Variants in SOS2 observed in about 807,000 individuals in gnomAD.
The protein encoded by SOS2 is SOS Ras/Rho guanine nucleotide exchange factor 2.
A neutral mutation model predicts 148.2 loss-of-function variants in SOS2; 65 were observed. That is an observed-to-expected ratio of 0.44 (90% CI 0.36 to 0.54). SOS2 has a LOEUF of 0.54. Among genes scored for constraint, SOS2 ranks in the 20% least tolerant of loss-of-function variants. SOS2 has a pLI of 0.00. For missense variants in SOS2, 1,341 were observed against 1,590.2 expected (o/e 0.84, Z 2.67); for synonymous variants, 539 against 537.1 (o/e 1.00, Z -0.05).
At chr14:50,171,411 C>T (rs1384887738) in intron 8 of SOS2, among the ~76,000 whole-genome samples, 4 of 151,806 alleles carry the variant, frequency 2.6e-5, no homozygotes, top group Non-Finnish European at 2.9e-5. Context: ...GTCAGCCAGG[C>T]GCGGTGGCTC....
At chr14:50,169,832 A>T (rs1885302330) in intron 8 of SOS2, among the ~76,000 whole-genome samples, 1 of 152,138 alleles carries the variant, frequency 6.6e-6, no homozygotes, top group South Asian at 2.1e-4. Flanking sequence ...TATTCACTTT[A>T]TAGATAATAC....
chr14:50,160,379 C>CTTTTTTTTTTTTTTTTTTTTT (rs200021758), intron 9 of SOS2, among the ~76,000 whole-genome samples: 4 of 78,852 alleles, frequency 5.1e-5, no homozygotes, highest in Non-Finnish European at 7.3e-5. Context: ...CAATGCTAAT[C>CTTTTTTTTTTTTTTTTTTTTT]TTTTTTTTTT....
chr14:50,215,543 G>A, intron 1 of SOS2: 1 of 1,116,466 alleles, frequency 9.0e-7, no homozygotes, highest in Non-Finnish European at 1.1e-6. Context: ...GTCTTTAACA[G>A]TAGATTAACA....
In SOS2 at chr14:50,159,613, A is replaced by G. The variant is rs1259461274; in HGVS notation, c.1670T>C (p.Leu557Ser). The G allele has an allele frequency of 2.5e-6, 4 of 1,613,796 alleles. No homozygotes were observed. The South Asian group carries it at 3.3e-5, about 13-fold the overall frequency. The change falls in exon 10 of 23, where the codon TTG becomes TCG. Residue 557 changes from leucine to serine, a missense_variant. By Grantham distance (145) the Leu-to-Ser change is moderately radical. Around this residue, in one of 4 missense-constraint regions of SOS2, gnomAD observed 574 missense variants for 711.1 expected, o/e 0.81. Transcript: ENST00000216373. The stretch of plus-strand genomic sequence containing the variant: ...CAGTGGTTGCTCATTTTCTTCTTTC[A>G]ATAATACTGAATCTAACATTCGATC... ...TLDRMLDSVL[L>S]KEENEQPLRL...
At chr14:50,230,747 C>CA (rs1363982350) in intron 1 of SOS2, 1 of 184,512 alleles carries the variant, frequency 5.4e-6, no homozygotes, top group African/African-American at 2.4e-5. Flanking sequence ...ATCCATATTA[C>CA]AAAAAACCAT....
intron 8 of SOS2, among the ~76,000 whole-genome samples, chr14:50,168,324 T>C (rs1885232756): frequency 6.6e-6 from 1 of 152,186 alleles, no homozygotes; most frequent in African/African-American, 2.4e-5. Context: ...TGGGCTCAAG[T>C]GATCCTCTCA....
At chr14:50,183,485 G>C (rs916332445) in intron 5 of SOS2, among the ~76,000 whole-genome samples, 2 of 151,520 alleles carry the variant, frequency 1.3e-5, no homozygotes, top group African/African-American at 4.8e-5. Context: ...TGAACAGGAA[G>C]AGAATTTTAA....
At chr14:50,160,884 A>G (rs1186191068) in intron 9 of SOS2, among the ~76,000 whole-genome samples, 1 of 152,012 alleles carries the variant, frequency 6.6e-6, no homozygotes, top group Non-Finnish European at 1.5e-5. Flanking sequence ...CCACCCAGCT[A>G]CTCGAGTCCC....
At position 50,130,571 on chromosome 14, in the gene SOS2, T is replaced by G. The variant is rs748295112; in HGVS notation, c.3267A>C (p.Pro1089=). 1 of 1,613,716 alleles carries G rather than the reference T, an allele frequency of 6.2e-7. No homozygotes were observed. The highest frequency in any genetic ancestry group is 1.1e-5 in the South Asian group (1 of 91,072). Residue 1089 remains proline (P), a synonymous_variant, in exon 20 of 23, where the codon CCA becomes CCC. Transcript: ENST00000216373. ...TVSAPTSPNT[P]STPPVSASSD... ...AAGAAGCAGATACTGGTGGAGTAGA[T>G]GGTGTATTTGGAGAGGTTGGTGCTG...
chr14:50,229,423 G>A (rs139816340), intron 1 of SOS2, among the ~76,000 whole-genome samples: 108 of 150,956 alleles, frequency 7.2e-4, no homozygotes, highest in African/African-American at 2.5e-3. Flanking sequence ...AGGAAAACAA[G>A]CACAATATAA....
chr14:50,190,054 T>C (rs1335788223), intron 4 of SOS2, among the ~76,000 whole-genome samples: 2 of 151,890 alleles, frequency 1.3e-5, no homozygotes, highest in African/African-American at 4.8e-5. Context: ...GGTTTCACCA[T>C]GTTATTCAGG....
intron 16 of SOS2, among the ~76,000 whole-genome samples, chr14:50,141,031 C>G (rs945204210): frequency 2.0e-5 from 3 of 150,908 alleles, no homozygotes; most frequent in African/African-American, 7.3e-5. Flanking sequence ...GGTGAAACCC[C>G]GTCTCTACTA....
At chr14:50,200,392 T>C (rs1447656837) in intron 3 of SOS2, among the ~76,000 whole-genome samples, 2 of 152,246 alleles carry the variant, frequency 1.3e-5, no homozygotes, top group South Asian at 4.1e-4. Flanking sequence ...TTTTCCAGTA[T>C]ATAAAAAATA....
intron 9 of SOS2, among the ~76,000 whole-genome samples, chr14:50,161,103 G>C (rs924494379): frequency 1.4e-4 from 22 of 152,166 alleles, no homozygotes; most frequent in African/African-American, 5.1e-4. Context: ...GACCAGTCTG[G>C]CCGACGCGGT....
chr14:50,196,623 A>T (rs1031042568), intron 4 of SOS2, among the ~76,000 whole-genome samples: 13 of 152,160 alleles, frequency 8.5e-5, no homozygotes, highest in African/African-American at 2.7e-4. Flanking sequence ...GTAAATTTCA[A>T]ATGTTCTCAC....
intron 3 of SOS2, among the ~76,000 whole-genome samples, chr14:50,200,571 G>C (rs1035860915): frequency 1.3e-5 from 2 of 149,060 alleles, no homozygotes; most frequent in Admixed American, 6.8e-5. Context: ...AATGGGCCAG[G>C]CCTGATGGCT....
At chr14:50,201,670 C>A (rs1454513126) in intron 2 of SOS2, among the ~76,000 whole-genome samples, 1 of 151,462 alleles carries the variant, frequency 6.6e-6, no homozygotes, top group Non-Finnish European at 1.5e-5. Flanking sequence ...AAAAACAATA[C>A]ATAGGATATA....
In SOS2 at chr14:50,166,576, T is replaced by C. The variant is rs150206345; in HGVS notation, c.1069-4967A>G. On this transcript the variant is annotated intron_variant, in intron 8 of 22. Coordinates refer to ENST00000216373, the MANE Select transcript of SOS2 (RefSeq NM_006939.4). ...CCTAGCTGAAGAATATATTCCTTGC[T>C]ACCTGATACTCATCATTATCCTTAG... is the stretch of plus-strand genomic sequence containing the variant. Among the ~76,000 whole-genome samples, 1,466 of 152,304 alleles carry C rather than the reference T, an allele frequency of 9.6e-3. 8 individuals are homozygous for C. Among genetic ancestry groups the C allele is most frequent in the Middle Eastern group, 0.024 (7 of 294 alleles).
At chr14:50,179,899 T>C (rs1258945772) in intron 7 of SOS2, among the ~76,000 whole-genome samples, 4 of 152,206 alleles carry the variant, frequency 2.6e-5, no homozygotes, top group East Asian at 1.9e-4. Context: ...TATGAGTACA[T>C]AGGAGGTTGA....
Sources: gnomAD v4.1 joint callset for allele counts (sites outside exome capture counted in the v4.1 genomes callset) on GRCh38, gnomAD v4.1.1 for gene constraint, gnomAD v4.1.1 regional missense constraint, MANE v1.5 for transcripts, NCBI Gene and HGNC (gene_info 2026-07-23, HGNC 2026-07-21) for gene names.